Variants in FSTL5 observed in about 807,000 individuals in gnomAD.
The protein encoded by FSTL5 is follistatin like 5.
A neutral mutation model predicts 89.1 loss-of-function variants in FSTL5; 62 were observed. The observed-to-expected ratio is 0.70, with a 90% CI of 0.57 to 0.86. FSTL5 has a LOEUF of 0.86. FSTL5 is among the 40% of genes least tolerant of loss of function. The pLI is 0.00. For synonymous variants in FSTL5, 383 were observed against 346.2 expected (o/e 1.11, Z -1.18); for missense variants, 1,057 against 1,001.6 (o/e 1.06, Z -0.75).
At chr4:162,129,036 T>A (rs1342340545) in intron 1 of FSTL5, among the ~76,000 whole-genome samples, 1 of 151,874 alleles carries the variant, frequency 6.6e-6, no homozygotes, top group Non-Finnish European at 1.5e-5. Context: ...GCGATTCTCC[T>A]GTTCTCCTGC....
intron 4 of FSTL5, among the ~76,000 whole-genome samples, chr4:161,877,138 C>T (rs140318816): frequency 0.032 from 4,743 of 148,926 alleles, 125 homozygotes; most frequent in Admixed American, 0.04. Flanking sequence ...GAGCCGAGAT[C>T]GCGCCCTTGC....
At chr4:161,884,699 G>A (rs1732744460) in intron 4 of FSTL5, among the ~76,000 whole-genome samples, 1 of 152,096 alleles carries the variant, frequency 6.6e-6, no homozygotes, top group East Asian at 1.9e-4. Flanking sequence ...AAACTATAGA[G>A]CTTTAATTTA....
intron 3 of FSTL5, among the ~76,000 whole-genome samples, chr4:161,928,867 G>A (rs1334318318): frequency 6.6e-6 from 1 of 151,484 alleles, no homozygotes; most frequent in Non-Finnish European, 1.5e-5. Context: ...TCATGACAGT[G>A]GTTTTTGCAG....
chr4:161,804,998 A>G (rs1460452234), intron 4 of FSTL5, among the ~76,000 whole-genome samples: 1 of 152,106 alleles, frequency 6.6e-6, no homozygotes, highest in African/African-American at 2.4e-5. Context: ...CCTGCATTTA[A>G]TGACCAGTGA....
intron 3 of FSTL5, among the ~76,000 whole-genome samples, chr4:162,023,731 G>A (rs1047262890): frequency 2.6e-5 from 4 of 152,166 alleles, no homozygotes; most frequent in African/African-American, 7.2e-5. Context: ...TGTGTAGTGA[G>A]CTGTTAGAAA....
chr4:162,011,782 C>T (rs1207574782), intron 3 of FSTL5, among the ~76,000 whole-genome samples: 1 of 152,194 alleles, frequency 6.6e-6, no homozygotes, highest in African/African-American at 2.4e-5. Flanking sequence ...CAGATGTTAG[C>T]CACCGCGCCC....
At chr4:161,804,144 T>C (rs1469444198) in intron 4 of FSTL5, among the ~76,000 whole-genome samples, 1 of 152,028 alleles carries the variant, frequency 6.6e-6, no homozygotes, top group Non-Finnish European at 1.5e-5. Flanking sequence ...GACTTTCCCT[T>C]CTGTCACATC....
intron 6 of FSTL5, among the ~76,000 whole-genome samples, chr4:161,705,997 C>CAT (rs1738566705): frequency 9.3e-5 from 1 of 10,728 alleles, no homozygotes; most frequent in Non-Finnish European, 2.3e-4. Flanking sequence ...TATATATATA[C>CAT]ACACATCTAC....
intron 3 of FSTL5, among the ~76,000 whole-genome samples, chr4:162,021,919 G>A (rs1560974737): frequency 6.6e-6 from 1 of 151,726 alleles, no homozygotes; most frequent in Non-Finnish European, 1.5e-5. Context: ...GGTGAAACCC[G>A]TTTCTCCTAA....
chr4:161,689,451 CTTAT>C (rs1737856091), intron 6 of FSTL5, among the ~76,000 whole-genome samples: 1 of 151,978 alleles, frequency 6.6e-6, no homozygotes, highest in South Asian at 2.1e-4. Flanking sequence ...ATATAAAAAT[CTTAT>C]TTAAATTATT....
At chr4:161,975,317 G>A (rs889823562) in intron 3 of FSTL5, among the ~76,000 whole-genome samples, 31 of 151,906 alleles carry the variant, frequency 2.0e-4, no homozygotes, top group African/African-American at 6.0e-4. Context: ...TGTTTATTGC[G>A]GCATTATTCA....
intron 3 of FSTL5, among the ~76,000 whole-genome samples, chr4:161,997,021 C>T (rs1414982564): frequency 1.3e-5 from 2 of 152,080 alleles, no homozygotes; most frequent in Non-Finnish European, 2.9e-5. Flanking sequence ...AAAACATATG[C>T]TAATTAGATC....
chr4:161,875,977 T>A (rs1489412850), intron 4 of FSTL5, among the ~76,000 whole-genome samples: 1 of 152,296 alleles, frequency 6.6e-6, no homozygotes, highest in South Asian at 2.1e-4. Flanking sequence ...CAAATGAAAG[T>A]CATTCTTTCT....
intron 4 of FSTL5, among the ~76,000 whole-genome samples, chr4:161,870,266 CTG>C (rs1732220551): frequency 6.6e-6 from 1 of 151,984 alleles, no homozygotes; most frequent in South Asian, 2.1e-4. Context: ...GCTTTTGTGT[CTG>C]TCTTTTCACA....
At chr4:161,431,308 AG>A (rs568939434) in intron 15 of FSTL5, among the ~76,000 whole-genome samples, 1 of 152,288 alleles carries the variant, frequency 6.6e-6, no homozygotes, top group African/African-American at 2.4e-5. Context: ...AAAAAAGGAA[AG>A]CAAAGTTAAA....
chr4:161,477,623 A>G (rs901254489), intron 13 of FSTL5, among the ~76,000 whole-genome samples: 57 of 145,156 alleles, frequency 3.9e-4, no homozygotes, highest in Non-Finnish European at 2.0e-4. Flanking sequence ...TGACTCCATT[A>G]TTTATAATTC....
At chr4:161,746,993 T>A (rs1451872350) in intron 6 of FSTL5, among the ~76,000 whole-genome samples, 2 of 152,198 alleles carry the variant, frequency 1.3e-5, no homozygotes, top group African/African-American at 4.8e-5. Flanking sequence ...AATTCAAAAG[T>A]GATCTCTGCT....
At chr4:161,742,132 C>T (rs1740051022) in intron 6 of FSTL5, among the ~76,000 whole-genome samples, 1 of 151,888 alleles carries the variant, frequency 6.6e-6, no homozygotes, top group Non-Finnish European at 1.5e-5. Flanking sequence ...AAAAACAATG[C>T]AAATAAAACA....
At chr4:161,526,647 T>C (rs1731229281) in intron 10 of FSTL5, among the ~76,000 whole-genome samples, 1 of 152,226 alleles carries the variant, frequency 6.6e-6, no homozygotes, top group Non-Finnish European at 1.5e-5. Flanking sequence ...AGGGATCCAG[T>C]TTCAGCTTTC....
Sources: allele counts gnomAD v4.1 joint callset (sites outside exome capture counted in the v4.1 genomes callset), GRCh38; gene constraint gnomAD v4.1.1; transcripts MANE v1.5; gene names NCBI Gene and HGNC (gene_info 2026-07-23, HGNC 2026-07-21).